The following CSMD1 variants were observed in gnomAD, a reference collection of about 807,000 sequenced individuals.
The protein encoded by CSMD1 is CUB and Sushi multiple domains 1.
A neutral mutation model predicts 417.5 loss-of-function variants in CSMD1; 213 were observed. The ratio of observed to expected loss-of-function variants is 0.51; its 90% CI spans 0.46 to 0.57. The LOEUF (loss-of-function observed/expected upper bound fraction) is 0.57. CSMD1 is among the 20% of genes least tolerant of loss of function. The probability of loss-of-function intolerance (pLI) is 0.00; values close to 1 mark genes in which losing one functional copy is unlikely to be tolerated. For synonymous variants in CSMD1, 2,862 were observed against 1,736.8 expected (o/e 1.65, Z -16.11); for missense variants, 6,923 against 4,529.7 (o/e 1.53, Z -15.17).
At chr8:4,287,340 G>A (rs1797114953) in intron 3 of CSMD1, among the ~76,000 whole-genome samples, 1 of 152,108 alleles carries the variant, frequency 6.6e-6, no homozygotes. Context: ...TTACTTTAAT[G>A]ATACTTTTTA....
At chr8:4,764,882 A>AAAACAAAAAAAAAACAAAACAAAAC (rs1563326772) in intron 1 of CSMD1, among the ~76,000 whole-genome samples, 3 of 47,558 alleles carry the variant, frequency 6.3e-5, no homozygotes, top group African/African-American at 2.3e-4. Context: ...CAAAAAAAAA[A>AAAACAAAAAAAAAACAAAACAAAAC]AAAAAAAAAA....
In CSMD1 at chr8:4,236,039, GTTTTTTTTTTTTTTT is replaced by G. The variant is rs869245155; in HGVS notation, c.415+183899_415+183913del. 8.6e-3 allele frequency among the ~76,000 whole-genome samples: 272 copies of G among 31,722 alleles called. 3 individuals carry two copies. The highest frequency in any genetic ancestry group is 0.018 in the African/African-American group (259 of 14,572). The allele number at this position is 31,722 out of a possible 152,430, so 20.8% of individuals were successfully genotyped here. ...TTAATGGATATTGTTTTTTTTGTTT[GTTTTTTTTTTTTTTT>G]TTTTTTTTTTTTTTTGTAATTTCAT... On this transcript the variant is annotated intron_variant, in intron 3 of 69. Coordinates refer to ENST00000635120, the MANE Select transcript of CSMD1 (RefSeq NM_033225.6).
At chr8:4,292,692 T>C (rs1585172658) in intron 3 of CSMD1, among the ~76,000 whole-genome samples, 1 of 152,260 alleles carries the variant, frequency 6.6e-6, no homozygotes, top group East Asian at 1.9e-4. Flanking sequence ...GAAAAAATGA[T>C]TCAGTTTATT....
At chr8:4,294,630 C>A (rs1187494795) in intron 3 of CSMD1, among the ~76,000 whole-genome samples, 3 of 152,214 alleles carry the variant, frequency 2.0e-5, no homozygotes, top group South Asian at 2.1e-4. Context: ...TCCAGAACAA[C>A]TTGATAGAAA....
intron 7 of CSMD1, among the ~76,000 whole-genome samples, chr8:3,659,737 C>T (rs1049108024): frequency 1.3e-5 from 2 of 152,094 alleles, no homozygotes; most frequent in African/African-American, 2.4e-5. Context: ...ATATTAATTC[C>T]CCCAACACCC....
At chr8:4,040,067 A>G (rs1003018630) in intron 3 of CSMD1, among the ~76,000 whole-genome samples, 8 of 152,338 alleles carry the variant, frequency 5.3e-5, no homozygotes, top group African/African-American at 1.9e-4. Context: ...TGTTAGGGAA[A>G]TAATACAATT....
intron 1 of CSMD1, among the ~76,000 whole-genome samples, chr8:4,683,961 C>T (rs958466851): frequency 6.6e-6 from 1 of 152,180 alleles, no homozygotes; most frequent in Non-Finnish European, 1.5e-5. Context: ...AGATATTTAT[C>T]ACAGTGAAAT....
intron 3 of CSMD1, among the ~76,000 whole-genome samples, chr8:4,409,515 C>T (rs188729231): frequency 1.3e-5 from 2 of 152,124 alleles, no homozygotes; most frequent in Non-Finnish European, 2.9e-5. Context: ...GTAACCCTAA[C>T]CAAAATATGT....
At chr8:4,226,945 G>A (rs985489327) in intron 3 of CSMD1, among the ~76,000 whole-genome samples, 2 of 152,156 alleles carry the variant, frequency 1.3e-5, no homozygotes, top group East Asian at 3.9e-4. Context: ...TCATAAGGCT[G>A]CTTAACAGTT....
intron 52 of CSMD1, among the ~76,000 whole-genome samples, chr8:3,000,587 C>T (rs1008562367): frequency 6.6e-6 from 1 of 152,030 alleles, no homozygotes; most frequent in Non-Finnish European, 1.5e-5. Flanking sequence ...CTGTGAAATT[C>T]CAAATGGAAA....
At chr8:4,070,507 GC>G (rs1316848769) in intron 3 of CSMD1, among the ~76,000 whole-genome samples, 2 of 151,994 alleles carry the variant, frequency 1.3e-5, no homozygotes, top group Non-Finnish European at 2.9e-5. Flanking sequence ...ACAGGCGCCC[GC>G]CACCACGGCC....
intron 9 of CSMD1, among the ~76,000 whole-genome samples, chr8:3,576,276 A>ATAATAATAATAATAG (rs1800147851): frequency 1.8e-5 from 1 of 55,796 alleles, no homozygotes; most frequent in African/African-American, 5.0e-5. Context: ...CAAAATAATA[A>ATAATAATAATAATAG]TAATAATAAT....
chr8:4,212,456 C>G (rs550195050), intron 3 of CSMD1, among the ~76,000 whole-genome samples: 4 of 152,112 alleles, frequency 2.6e-5, no homozygotes, highest in South Asian at 4.1e-4. Context: ...GAAAAATGTA[C>G]TTAACATTTG....
chr8:3,230,024 T>C lies in CSMD1; in HGVS notation c.4345+16A>G. On this transcript the variant is annotated intron_variant, in intron 27 of 69. Transcript: ENST00000635120. ...CATTCCTGAATATAAAATTTCTAAG[T>C]TCTGTTGTCTGATACCTATGCATGT... 6.6e-7 allele frequency: 1 copy of C among 1,512,638 alleles called. No individual in the cohort carries two copies. Among genetic ancestry groups the C allele is most frequent in the Non-Finnish European group, 8.9e-7 (1 of 1,125,194 alleles). The allele number at this position is 1,512,638 out of a possible 1,614,324, so 93.7% of individuals were successfully genotyped here. A position where few individuals can be genotyped will look rare whatever the true frequency, so the allele number is the denominator to read the frequency against.
intron 48 of CSMD1, among the ~76,000 whole-genome samples, chr8:3,090,235 T>G (rs1037075542): frequency 1.4e-5 from 2 of 138,980 alleles, no homozygotes; most frequent in African/African-American, 5.4e-5. Context: ...GAGAATGGCC[T>G]GAACCCGGGA....
intron 46 of CSMD1, among the ~76,000 whole-genome samples, chr8:3,104,021 G>C (rs767855902): frequency 2.0e-5 from 3 of 152,114 alleles, no homozygotes; most frequent in Non-Finnish European, 2.9e-5. Context: ...GGGATTACAG[G>C]CATGAGCCAC....
intron 12 of CSMD1, among the ~76,000 whole-genome samples, chr8:3,458,704 A>C (rs1563058487): frequency 6.6e-6 from 1 of 152,210 alleles, no homozygotes; most frequent in Non-Finnish European, 1.5e-5. Context: ...TTTCAGCTTC[A>C]AACACTTAAT....
At chr8:4,834,811 G>T (rs1328150529) in intron 1 of CSMD1, among the ~76,000 whole-genome samples, 1 of 151,502 alleles carries the variant, frequency 6.6e-6, no homozygotes, top group African/African-American at 2.4e-5. Context: ...AAAAAAATTA[G>T]CCGGGCGTGG....
intron 63 of CSMD1, 73 bp from the exon 64 acceptor site, chr8:2,955,841 G>C (rs763110264): frequency 2.2e-6 from 3 of 1,362,628 alleles, no homozygotes; most frequent in Admixed American, 2.0e-5. Flanking sequence ...GAAATTAATA[G>C]ATTAAAATAG....
Sources: allele counts gnomAD v4.1 joint callset (sites outside exome capture counted in the v4.1 genomes callset), GRCh38; gene constraint gnomAD v4.1.1; transcripts MANE v1.5; gene names NCBI Gene and HGNC (gene_info 2026-07-23, HGNC 2026-07-21).